Variants in ARHGEF3 observed in about 807,000 individuals in gnomAD.
ARHGEF3 encodes 59.8 kDA protein.
In ARHGEF3, 28 loss-of-function variants were observed where a neutral mutation model predicts 63.2. The ratio of observed to expected loss-of-function variants is 0.44; its 90% confidence interval spans 0.33 to 0.61. The LOEUF is 0.61. Ranked by LOEUF, ARHGEF3 falls within the 20% of genes least tolerant of loss-of-function variation. The pLI, the probability that ARHGEF3 is intolerant of heterozygous loss-of-function variation, is 0.03. For synonymous variants in ARHGEF3, 266 were observed against 254.2 expected (o/e 1.05, Z -0.44); for missense variants, 533 against 659.3 (o/e 0.81, Z 2.10).
chr3:56,867,970 C>G (rs77504043), intron 4 of ARHGEF3, among the ~76,000 whole-genome samples: 4,552 of 152,272 alleles, frequency 0.03, 230 homozygotes, highest in African/African-American at 0.1. Context: ...TTGATCACAT[C>G]TGCTTGGATA....
chr3:56,980,055 A>G (rs1268844201), intron 2 of ARHGEF3, among the ~76,000 whole-genome samples: 3 of 152,190 alleles, frequency 2.0e-5, no homozygotes, highest in Admixed American at 6.5e-5. Context: ...TTGTGAATTG[A>G]GAATGATGAT....
chr3:57,074,313 T>C (rs760496561), intron 1 of ARHGEF3: 2 of 1,555,134 alleles, frequency 1.3e-6, no homozygotes, highest in Non-Finnish European at 8.8e-7. Flanking sequence ...GCTGTTTGTC[T>C]GGGCCTTTGC....
chr3:56,785,973 G>A (rs1016134752), intron 1 of ARHGEF3, among the ~76,000 whole-genome samples: 1 of 152,184 alleles, frequency 6.6e-6, no homozygotes, highest in Admixed American at 6.5e-5. Context: ...TTGCAGAGAT[G>A]TGACCTCCAG....
rs1009135464 is a variant in ARHGEF3 at position 56,941,382 on chromosome 3, A to G, written c.129+17441T>C. Reference sequence around the variant, plus strand: ...GCCAACACATCTGGCTAATTTTTGTATTTTTAGTAGAGACAGGGTTTTGCC... The same window carrying G: ...GCCAACACATCTGGCTAATTTTTGTGTTTTTAGTAGAGACAGGGTTTTGCC... On this transcript the variant is annotated intron_variant, in intron 3 of 12. Transcript: ENST00000338458. Among the ~76,000 whole-genome samples, 4 of 152,216 alleles carry G rather than the reference A, an allele frequency of 2.6e-5. No individual in the cohort carries two copies. The East Asian group carries it at 5.8e-4, about 22-fold the overall frequency.
intron 4 of ARHGEF3, among the ~76,000 whole-genome samples, chr3:56,873,327 A>G (rs1285508429): frequency 1.3e-5 from 2 of 151,718 alleles, no homozygotes; most frequent in African/African-American, 4.8e-5. Flanking sequence ...CATCACCCAA[A>G]TATTAAGCCT....
intron 1 of ARHGEF3, among the ~76,000 whole-genome samples, chr3:56,778,988 C>T (rs1408388035): frequency 6.6e-6 from 1 of 152,070 alleles, no homozygotes; most frequent in Non-Finnish European, 1.5e-5. Context: ...GTCAGTGGTC[C>T]TCAGCCTCAG....
chr3:57,022,472 C>CAA (rs11368903), intron 2 of ARHGEF3, among the ~76,000 whole-genome samples: 2 of 150,548 alleles, frequency 1.3e-5, no homozygotes, highest in African/African-American at 4.9e-5. Flanking sequence ...TTCCTATATA[C>CAA]AAAAAAAAAG....
At chr3:56,752,510 A>G (rs1413191179) in intron 4 of ARHGEF3, among the ~76,000 whole-genome samples, 2 of 152,232 alleles carry the variant, frequency 1.3e-5, no homozygotes, top group Non-Finnish European at 2.9e-5. Context: ...GAAGGAGGCA[A>G]TAAATGTTAT....
chr3:56,880,955 T>C lies in ARHGEF3; in HGVS notation c.192+1337A>G, dbSNP rs548545808. Among the ~76,000 whole-genome samples the C allele has an allele frequency of 2.0e-5, 3 of 152,294 alleles. No individual in the cohort carries two copies. The South Asian group carries it at 6.2e-4, about 32-fold the overall frequency. On this transcript the variant is annotated intron_variant, in intron 4 of 12. Coordinates refer to the ARHGEF3 transcript ENST00000338458. ...CCACATGGTAAAACAGACGCTCAAG[T>C]ACATTAATTAGAGCCAGTTCAAGCT...
chr3:56,917,633 T>G (rs2042021815), intron 3 of ARHGEF3, among the ~76,000 whole-genome samples: 1 of 152,130 alleles, frequency 6.6e-6, no homozygotes, highest in South Asian at 2.1e-4. Context: ...GGCAAATGCA[T>G]TTTCATGGGG....
Position 56,739,396 on chromosome 3 carries a change from C to CT in ARHGEF3, c.871-2042dup, listed in dbSNP as rs11309388. On this transcript the variant is annotated intron_variant, in intron 7 of 9. Coordinates refer to ENST00000296315, the MANE Select transcript of ARHGEF3 (RefSeq NM_019555.3). ...CTAGGATTGTTAAGTAATTATTTTC[C>CT]TTTTTTTTTTTTTTTTTCAGTTGAG... Among the ~76,000 whole-genome samples the CT allele has an allele frequency of 1.7e-3, 223 of 133,426 alleles. 1 individual carries two copies. The highest frequency in any genetic ancestry group is 5.1e-3 in the East Asian group (23 of 4,534). 87.5% of individuals were successfully genotyped at this position (133,426 alleles called of 152,430 possible).
At chr3:56,764,605 A>G (rs1233489336) in intron 2 of ARHGEF3, among the ~76,000 whole-genome samples, 1 of 152,134 alleles carries the variant, frequency 6.6e-6, no homozygotes, top group Non-Finnish European at 1.5e-5. Flanking sequence ...ATAAGTGGTG[A>G]TGAATCCTAT....
intron 2 of ARHGEF3, among the ~76,000 whole-genome samples, chr3:56,757,455 C>A (rs571785392): frequency 6.6e-6 from 1 of 150,982 alleles, no homozygotes; most frequent in Admixed American, 6.6e-5. Context: ...GTCTGGGCGA[C>A]AAGAGTGAGA....
At chr3:56,926,227 G>C (rs182520124) in intron 3 of ARHGEF3, among the ~76,000 whole-genome samples, 213 of 152,316 alleles carry the variant, frequency 1.4e-3, no homozygotes, top group African/African-American at 4.5e-3. Context: ...GCAAAGGTGA[G>C]AAGTGGGAAC....
chr3:56,930,201 T>C (rs1289358185), intron 3 of ARHGEF3, among the ~76,000 whole-genome samples: 3 of 152,136 alleles, frequency 2.0e-5, no homozygotes, highest in Admixed American at 1.3e-4. Flanking sequence ...TGTCCCGTTA[T>C]GCAAACAGTA....
At chr3:56,753,707 C>A in intron 3 of ARHGEF3, 141 bp from the exon 4 acceptor site, 2 of 700,724 alleles carry the variant, frequency 2.9e-6, no homozygotes, top group Non-Finnish European at 4.9e-6. Context: ...GCAAATGCAT[C>A]TATGCTTAAA....
intron 1 of ARHGEF3, among the ~76,000 whole-genome samples, chr3:57,042,700 A>ATATATTT (rs1704272727): frequency 1.5e-5 from 1 of 66,118 alleles, no homozygotes; most frequent in African/African-American, 5.0e-5. Flanking sequence ...ATATATATAT[A>ATATATTT]TTTTTTTTTT....
At chr3:56,788,532 G>A (rs2036932088) in intron 1 of ARHGEF3, among the ~76,000 whole-genome samples, 1 of 152,032 alleles carries the variant, frequency 6.6e-6, no homozygotes, top group Non-Finnish European at 1.5e-5. Context: ...TCACACTATG[G>A]AGTTTCCCTA....
At chr3:57,052,962 A>G (rs958559120) in intron 1 of ARHGEF3, among the ~76,000 whole-genome samples, 1 of 152,132 alleles carries the variant, frequency 6.6e-6, no homozygotes, top group Admixed American at 6.5e-5. Context: ...TTTGCCGTGG[A>G]GCAGCCCAGG....
Sources: allele counts gnomAD v4.1 joint callset (sites outside exome capture counted in the v4.1 genomes callset), GRCh38; gene constraint gnomAD v4.1.1; transcripts MANE v1.5; gene names NCBI Gene and HGNC (gene_info 2026-07-23, HGNC 2026-07-21).